The following TMPRSS15 variants were observed in gnomAD, a reference collection of about 807,000 sequenced individuals.
TMPRSS15 encodes the protein transmembrane serine protease 15, also known as enteropeptidase.
In TMPRSS15, 128 loss-of-function variants were observed where a neutral mutation model predicts 125.3. The ratio of observed to expected loss-of-function variants is 1.02; its 90% confidence interval spans 0.89 to 1.18. TMPRSS15 has a LOEUF of 1.18. Among genes scored for constraint, TMPRSS15 ranks in the 50% most tolerant of loss-of-function variants. The pLI is 0.00. For synonymous variants in TMPRSS15, 446 were observed against 423.2 expected (o/e 1.05, Z -0.66); for missense variants, 1,283 against 1,212.7 (o/e 1.06, Z -0.86).
At chr21:18,292,077 A>G (rs726489) in intron 21 of TMPRSS15, among the ~76,000 whole-genome samples, 123,761 of 152,174 alleles carry the variant, frequency 0.81, 50,462 homozygotes, top group Non-Finnish European at 0.83. Flanking sequence ...TGGAAAGTCC[A>G]AATGTATCAA....
intron 6 of TMPRSS15, among the ~76,000 whole-genome samples, chr21:18,369,315 C>G (rs1041708281): frequency 2.0e-5 from 3 of 152,138 alleles, no homozygotes; most frequent in East Asian, 1.9e-4. Context: ...GCTCACCCAC[C>G]AAGCTGTATT....
chr21:18,312,678 T>A (rs940688285), intron 18 of TMPRSS15, among the ~76,000 whole-genome samples: 1 of 151,800 alleles, frequency 6.6e-6, no homozygotes, highest in Non-Finnish European at 1.5e-5. Context: ...TCATGAGAAA[T>A]GCCCACACAT....
At chr21:18,466,445 C>CAA (rs544229683) in intron 1 of TMPRSS15, among the ~76,000 whole-genome samples, 21 of 145,286 alleles carry the variant, frequency 1.4e-4, no homozygotes, top group African/African-American at 5.0e-4. Flanking sequence ...TTCTGCACAG[C>CAA]AAAAAAAAAA....
chr21:18,300,210 T>TTCTC (rs141752813), intron 18 of TMPRSS15, among the ~76,000 whole-genome samples: 2 of 150,492 alleles, frequency 1.3e-5, no homozygotes, highest in African/African-American at 4.9e-5. Flanking sequence ...CTTTCTTTCT[T>TTCTC]TTTCTTTCTC....
At chr21:18,279,167 C>A in intron 22 of TMPRSS15, 108 bp from the exon 23 acceptor site, 2 of 684,670 alleles carry the variant, frequency 2.9e-6, no homozygotes, top group Non-Finnish European at 2.6e-6. Flanking sequence ...ATCTAAAAAA[C>A]ATGTATTTTT....
intron 6 of TMPRSS15, among the ~76,000 whole-genome samples, chr21:18,365,645 T>TTC (rs2075724805): frequency 1.9e-5 from 2 of 102,854 alleles, no homozygotes; most frequent in Non-Finnish European, 4.0e-5. Context: ...TCTCTCTTTT[T>TTC]CCTCCCTTCC....
chr21:18,315,278 T>C, intron 16 of TMPRSS15, 22 bp from the exon 17 acceptor site: 11 of 1,580,150 alleles, frequency 7.0e-6, no homozygotes, highest in Non-Finnish European at 9.6e-6. Context: ...GAATGTTTAT[T>C]GTATAGGATA....
At chr21:18,393,559 G>C (rs1004711137) in intron 3 of TMPRSS15, among the ~76,000 whole-genome samples, 2 of 152,002 alleles carry the variant, frequency 1.3e-5, no homozygotes, top group African/African-American at 4.8e-5. Flanking sequence ...TCAAGCAAAG[G>C]CTAGACTACA....
intron 16 of TMPRSS15, among the ~76,000 whole-genome samples, chr21:18,318,363 C>G (rs1036629405): frequency 1.3e-5 from 2 of 152,098 alleles, no homozygotes; most frequent in African/African-American, 4.8e-5. Context: ...ACAGAGCTGG[C>G]ATTTGGCCAG....
chr21:18,386,740 C>T (rs776812352), intron 3 of TMPRSS15, among the ~76,000 whole-genome samples: 12 of 152,278 alleles, frequency 7.9e-5, no homozygotes, highest in Middle Eastern at 3.4e-3. Context: ...CCCCCATCTT[C>T]ATTTTATCTT....
chr21:18,477,968 C>A (rs1400349335), intron 1 of TMPRSS15, among the ~76,000 whole-genome samples: 4 of 151,832 alleles, frequency 2.6e-5, no homozygotes, highest in Non-Finnish European at 5.9e-5. Context: ...CTTGAGGTGG[C>A]AAAAGTAAAT....
At chr21:18,394,254 G>A (rs1487814280) in intron 3 of TMPRSS15, among the ~76,000 whole-genome samples, 2 of 152,104 alleles carry the variant, frequency 1.3e-5, no homozygotes, top group Non-Finnish European at 2.9e-5. Context: ...AAAGCATGCT[G>A]TATCTCTCAT....
At chr21:18,434,444 A>C (rs1268709349) in intron 1 of TMPRSS15, among the ~76,000 whole-genome samples, 1 of 152,076 alleles carries the variant, frequency 6.6e-6, no homozygotes, top group East Asian at 1.9e-4. Context: ...CTTCAGTTTT[A>C]AGATGCTCTT....
intron 1 of TMPRSS15, among the ~76,000 whole-genome samples, chr21:18,478,316 C>T (rs937526136): frequency 1.3e-5 from 2 of 151,948 alleles, no homozygotes; most frequent in Non-Finnish European, 1.5e-5. Flanking sequence ...TTATGCTGTT[C>T]GTCCCTTGCT....
chr21:18,352,812 T>C, intron 10 of TMPRSS15, 91 bp downstream of exon 10: 4 of 1,322,666 alleles, frequency 3.0e-6, no homozygotes, highest in Non-Finnish European at 4.3e-6. Context: ...CATTTAATAC[T>C]GCTCACTTTA....
intron 1 of TMPRSS15, among the ~76,000 whole-genome samples, chr21:18,453,786 G>C (rs1190487974): frequency 6.6e-6 from 1 of 152,068 alleles, no homozygotes; most frequent in Non-Finnish European, 1.5e-5. Flanking sequence ...AAGAAAATCT[G>C]GTATATATGT....
intron 13 of TMPRSS15, among the ~76,000 whole-genome samples, chr21:18,337,699 T>C (rs1042922495): frequency 1.3e-5 from 2 of 152,220 alleles, no homozygotes; most frequent in African/African-American, 4.8e-5. Flanking sequence ...ACTCAGTCAC[T>C]GATCTGGGAC....
At chr21:18,455,011 G>A (rs910164760) in intron 1 of TMPRSS15, among the ~76,000 whole-genome samples, 3 of 152,076 alleles carry the variant, frequency 2.0e-5, no homozygotes, top group African/African-American at 7.2e-5. Flanking sequence ...GGGACCCAGT[G>A]GGAAGTAACT....
chr21:18,458,479 T>C (rs1290033217), intron 1 of TMPRSS15, among the ~76,000 whole-genome samples: 2 of 152,094 alleles, frequency 1.3e-5, no homozygotes, highest in Non-Finnish European at 2.9e-5. Flanking sequence ...TCAGCAATGG[T>C]TGCTGGATAT....
Sources: allele counts gnomAD v4.1 joint callset (sites outside exome capture counted in the v4.1 genomes callset), GRCh38; gene constraint gnomAD v4.1.1; transcripts MANE v1.5; gene names NCBI Gene and HGNC (gene_info 2026-07-23, HGNC 2026-07-21).